EPHA3: variants seen among roughly 807,000 people sequenced by gnomAD.
EPHA3 encodes ephrin type-A receptor 3.
In EPHA3, 42 loss-of-function variants were observed where a neutral mutation model predicts 107.1. The observed-to-expected ratio is 0.39, with a 90% CI of 0.31 to 0.51. EPHA3 has a LOEUF of 0.51. EPHA3 is among the 20% of genes least tolerant of loss of function. EPHA3 has a pLI of 0.78. For missense variants in EPHA3, 1,183 were observed against 1,211.2 expected (o/e 0.98, Z 0.35); for synonymous variants, 461 against 424.8 (o/e 1.09, Z -1.05).
intron 1 of EPHA3, among the ~76,000 whole-genome samples, chr3:89,126,473 A>G (rs1316343822): frequency 1.3e-5 from 2 of 151,844 alleles, no homozygotes; most frequent in African/African-American, 4.8e-5. Context: ...AACCATATGC[A>G]TGCTATATTT....
intron 16 of EPHA3, among the ~76,000 whole-genome samples, chr3:89,477,633 T>C (rs1576399415): frequency 1.3e-5 from 2 of 152,310 alleles, no homozygotes; most frequent in African/African-American, 4.8e-5. Context: ...TCTGTGTCTG[T>C]GTGTGGTGTG....
intron 3 of EPHA3, among the ~76,000 whole-genome samples, chr3:89,256,780 C>T (rs1413499190): frequency 2.6e-5 from 4 of 152,092 alleles, no homozygotes; most frequent in Non-Finnish European, 4.4e-5. Flanking sequence ...TATCATTTGT[C>T]TGTCTTTTAT....
intron 13 of EPHA3, among the ~76,000 whole-genome samples, chr3:89,445,993 T>C (rs1709870398): frequency 6.6e-6 from 1 of 152,234 alleles, no homozygotes. Flanking sequence ...TGTGTGTGTG[T>C]GTGCAGGCTA....
intron 3 of EPHA3, among the ~76,000 whole-genome samples, chr3:89,243,281 T>G (rs1279854539): frequency 5.9e-5 from 9 of 152,066 alleles, no homozygotes; most frequent in African/African-American, 1.9e-4. Flanking sequence ...GTAATGGGAT[T>G]GCTGGGTCAA....
At chr3:89,380,201 A>G (rs1402840928) in intron 5 of EPHA3, among the ~76,000 whole-genome samples, 1 of 152,216 alleles carries the variant, frequency 6.6e-6, no homozygotes, top group Non-Finnish European at 1.5e-5. Context: ...TCATATAACA[A>G]TGTAGAGTTA....
chr3:89,202,935 G>T (rs775569717), intron 2 of EPHA3, among the ~76,000 whole-genome samples: 21 of 152,144 alleles, frequency 1.4e-4, no homozygotes, highest in Admixed American at 1.1e-3. Context: ...ATCATTCCTT[G>T]TAGGAGGTAG....
rs2107181775 is a variant in EPHA3, at chr3:89,210,109, T to G, written c.403T>G (p.Phe135Val). Residue 135 changes from phenylalanine to valine, a missense_variant, in exon 3 of 17, where the codon TTT (phenylalanine) becomes GTT (valine). Phe to Val is a conservative substitution (Grantham distance 50, BLOSUM62 -1). Transcript: ENST00000336596. Reference protein sequence around the residue: ...MESDDDHGVKFREHQFTKIDT... With the variant: ...MESDDDHGVKVREHQFTKIDT... ...GTCTGATGATGATCATGGGGTGAAA[T>G]TTCGAGAGCATCAGTTTACAAAGAT... is the stretch of plus-strand genomic sequence containing the variant. 6.2e-7 allele frequency: 1 copy of G among 1,613,894 alleles called. No homozygotes were observed. Among genetic ancestry groups the G allele is most frequent in the Middle Eastern group, 1.7e-4 (1 of 6,058 alleles).
intron 3 of EPHA3, among the ~76,000 whole-genome samples, chr3:89,290,203 G>T (rs548868438): frequency 6.6e-6 from 1 of 152,180 alleles, no homozygotes; most frequent in South Asian, 2.1e-4. Flanking sequence ...TTATATAAGT[G>T]CAGATAAGCA....
intron 5 of EPHA3, among the ~76,000 whole-genome samples, chr3:89,368,488 G>T (rs1708226220): frequency 6.6e-6 from 1 of 150,492 alleles, no homozygotes; most frequent in Non-Finnish European, 1.5e-5. Flanking sequence ...ATACAATTCA[G>T]TCTGAGGCCA....
chr3:89,165,634 C>CA (rs1335552066), intron 2 of EPHA3, among the ~76,000 whole-genome samples: 1 of 152,048 alleles, frequency 6.6e-6, no homozygotes, highest in African/African-American at 2.4e-5. Flanking sequence ...TTATTACCTT[C>CA]AAAAAAATGT....
At chr3:89,344,029 A>G (rs1316760689) in intron 5 of EPHA3, among the ~76,000 whole-genome samples, 2 of 152,186 alleles carry the variant, frequency 1.3e-5, no homozygotes, top group Non-Finnish European at 2.9e-5. Flanking sequence ...TTAACAAATT[A>G]TGATCATGTG....
chr3:89,263,489 TTATCGC>T (rs1324096982), intron 3 of EPHA3, among the ~76,000 whole-genome samples: 1 of 152,172 alleles, frequency 6.6e-6, no homozygotes, highest in East Asian at 1.9e-4. Context: ...GCGGGGGATT[TTATCGC>T]TGGCGAAAGT....
chr3:89,350,421 C>G (rs1163033899), intron 5 of EPHA3, among the ~76,000 whole-genome samples: 2 of 151,524 alleles, frequency 1.3e-5, no homozygotes, highest in African/African-American at 4.8e-5. Flanking sequence ...TCTCCTGAGG[C>G]TTCTGCATTC....
At chr3:89,370,344 C>T (rs888376828) in intron 5 of EPHA3, among the ~76,000 whole-genome samples, 1 of 151,818 alleles carries the variant, frequency 6.6e-6, no homozygotes, top group African/African-American at 2.4e-5. Context: ...ATGATGAGTT[C>T]ATGTCCTTTT....
At chr3:89,393,790 T>TAAAAA (rs1399975184) in intron 5 of EPHA3, among the ~76,000 whole-genome samples, 4 of 143,868 alleles carry the variant, frequency 2.8e-5, no homozygotes, top group African/African-American at 4.9e-5. Context: ...AATTTTTTTT[T>TAAAAA]AAAAAATCCA....
chr3:89,450,482 C>T (rs1709964588), intron 15 of EPHA3, 112 bp downstream of exon 15: 2 of 996,000 alleles, frequency 2.0e-6, no homozygotes, highest in Admixed American at 4.7e-5. Flanking sequence ...AGCTTGTATT[C>T]CACCATATTA....
intron 2 of EPHA3, among the ~76,000 whole-genome samples, chr3:89,197,217 G>GAA (rs1164238419): frequency 6.6e-6 from 1 of 152,112 alleles, no homozygotes; most frequent in Non-Finnish European, 1.5e-5. Context: ...GTAGTGCCAA[G>GAA]AAATGGTTTT....
intron 3 of EPHA3, among the ~76,000 whole-genome samples, chr3:89,298,814 TTAAC>T (rs1478939797): frequency 6.6e-6 from 1 of 152,078 alleles, no homozygotes; most frequent in Non-Finnish European, 1.5e-5. Context: ...TAATATATGA[TTAAC>T]TGTCAAATTA....
At chr3:89,429,048 T>A in intron 11 of EPHA3, 58 bp from the exon 12 acceptor site, 3 of 1,189,172 alleles carry the variant, frequency 2.5e-6, no homozygotes, top group Non-Finnish European at 3.7e-6. Context: ...ATTATATATG[T>A]TCATTGTATA....
Sources: allele counts gnomAD v4.1 joint callset (sites outside exome capture counted in the v4.1 genomes callset), GRCh38; gene constraint gnomAD v4.1.1; transcripts MANE v1.5; gene names NCBI Gene and HGNC (gene_info 2026-07-23, HGNC 2026-07-21).